The following ZNF736 variants were observed in gnomAD, a reference collection of about 807,000 sequenced individuals.
ZNF736 encodes the protein zinc finger protein 736.
A neutral mutation model predicts 11.7 loss-of-function variants in ZNF736; 6 were observed. The observed-to-expected ratio is 0.51, with a 90% confidence interval of 0.28 to 1.01. The LOEUF is 1.01. ZNF736 is among the 50% of genes least tolerant of loss of function. The pLI is 0.09. For missense variants in ZNF736, 444 were observed against 496.0 expected, an observed-to-expected ratio of 0.90 and a Z score of 1.00; for synonymous variants, 139 against 164.7, an observed-to-expected ratio of 0.84 and a Z score of 1.19.
intron 3 of ZNF736, 147 bp from the exon 4 acceptor site, chr7:64,347,943 G>C: frequency 1.3e-6 from 1 of 779,916 alleles, no homozygotes; most frequent in Non-Finnish European, 1.9e-6. Context: ...ATTTTGGTCA[G>C]TATATTTCTG....
chr7:64,347,142 G>A (rs763756926), intron 3 of ZNF736, among the ~76,000 whole-genome samples: 4 of 149,136 alleles, frequency 2.7e-5, no homozygotes, highest in Non-Finnish European at 5.9e-5. Context: ...AGGCTAGGGA[G>A]TCTTGGAGTC....
At chr7:64,330,020 C>G (rs2115905935) in intron 1 of ZNF736, among the ~76,000 whole-genome samples, 1 of 152,258 alleles carries the variant, frequency 6.6e-6, no homozygotes, top group African/African-American at 2.4e-5. Flanking sequence ...AAACCACTCC[C>G]CATGGCCACC....
chr7:64,338,065 A>C (rs1167338549), intron 3 of ZNF736, among the ~76,000 whole-genome samples: 2 of 152,116 alleles, frequency 1.3e-5, no homozygotes, highest in African/African-American at 4.8e-5. Flanking sequence ...TGCTGAGTAC[A>C]TATTAAACTC....
Position 64,348,715 on chromosome 7 carries a change from C to G in ZNF736, c.852C>G (p.Pro284=). 1 of 1,607,572 alleles carries G rather than the reference C, an allele frequency of 6.2e-7. No individual in the cohort carries two copies. The highest frequency in any genetic ancestry group is 8.5e-7 in the Non-Finnish European group (1 of 1,177,024). Residue 284 remains proline (P), a synonymous_variant, in exon 4 of 4, where the codon CCC becomes CCG. Transcript: ENST00000423484. ...NHKRIHTGEK[P]YKCEECNKAY... ...AGAGAATTCATACTGGAGAGAAACC[C>G]TACAAATGTGAAGAATGTAACAAAG...
intron 3 of ZNF736, chr7:64,337,202 G>T (rs1789264611): frequency 7.7e-6 from 4 of 520,560 alleles, no homozygotes; most frequent in Admixed American, 7.3e-5. Context: ...GTGTGTGTGT[G>T]TTGTGTGTGT....
intron 1 of ZNF736, among the ~76,000 whole-genome samples, chr7:64,325,400 T>C (rs777257251): frequency 1.3e-5 from 2 of 152,232 alleles, no homozygotes; most frequent in Admixed American, 6.5e-5. Flanking sequence ...ATTTTGAGGC[T>C]TTATTGATTA....
intron 1 of ZNF736, among the ~76,000 whole-genome samples, chr7:64,320,157 G>T (rs1487337203): frequency 6.6e-6 from 1 of 152,098 alleles, no homozygotes; most frequent in African/African-American, 2.4e-5. Flanking sequence ...TAAAACTTCA[G>T]AGAAATAACA....
chr7:64,346,073 T>C (rs1789406230), intron 3 of ZNF736, among the ~76,000 whole-genome samples: 1 of 152,182 alleles, frequency 6.6e-6, no homozygotes, highest in African/African-American at 2.4e-5. Flanking sequence ...TTTCCTTCCA[T>C]TATTATATTG....
At position 64,337,015 on chromosome 7, in the gene ZNF736, A is replaced by G. The variant is rs1789261546; in HGVS notation, c.226+33A>G. On this transcript the variant is annotated intron_variant, in intron 3 of 3. Coordinates refer to ENST00000423484, the MANE Select transcript of ZNF736 (RefSeq NM_001170905.3). ...GGAGTGAATGAAGCAGATGACACAA[A>G]TGACGGATCCCAATGTCAAGGAGGA... 3.2e-6 allele frequency: 5 copies of G among 1,551,498 alleles called. No homozygotes were observed. The highest frequency in any genetic ancestry group is 2.6e-6 in the Non-Finnish European group (3 of 1,135,308).
chr7:64,347,386 C>T (rs1789426554), intron 3 of ZNF736, among the ~76,000 whole-genome samples: 1 of 151,718 alleles, frequency 6.6e-6, no homozygotes, highest in Admixed American at 6.6e-5. Context: ...CCACCACGCC[C>T]TGCTAATTTT....
chr7:64,323,817 A>G (rs1301518333), intron 1 of ZNF736, among the ~76,000 whole-genome samples: 1 of 152,158 alleles, frequency 6.6e-6, no homozygotes, highest in South Asian at 2.1e-4. Flanking sequence ...CTGTGCAGCA[A>G]AGTACCATGA....
chr7:64,317,603 C>G (rs1788935460), intron 1 of ZNF736, among the ~76,000 whole-genome samples: 1 of 152,010 alleles, frequency 6.6e-6, no homozygotes, highest in Non-Finnish European at 1.5e-5. Flanking sequence ...TTCCTTCCAA[C>G]AAATTTGGAG....
chr7:64,326,327 C>A (rs1003922359), intron 1 of ZNF736, among the ~76,000 whole-genome samples: 10 of 152,234 alleles, frequency 6.6e-5, no homozygotes, highest in African/African-American at 1.2e-4. Flanking sequence ...AATACACAGT[C>A]CCTTCCAGAG....
chr7:64,329,569 G>A (rs1789130469), intron 1 of ZNF736, among the ~76,000 whole-genome samples: 1 of 152,154 alleles, frequency 6.6e-6, no homozygotes, highest in South Asian at 2.1e-4. Context: ...GGGTTACCAG[G>A]CAGACTCTTT....
chr7:64,321,878 A>G (rs1789008067), intron 1 of ZNF736, among the ~76,000 whole-genome samples: 3 of 152,234 alleles, frequency 2.0e-5, no homozygotes, highest in Non-Finnish European at 1.5e-5. Context: ...AGCTGCCTGG[A>G]AGACTCAGAT....
chr7:64,319,902 C>T (rs1407090990), intron 1 of ZNF736, among the ~76,000 whole-genome samples: 3 of 151,996 alleles, frequency 2.0e-5, no homozygotes, highest in African/African-American at 7.2e-5. Flanking sequence ...TACTGGAGGC[C>T]TAGGGTAATC....
rs1562666262 is a variant in ZNF736, at chr7:64,318,041, T to C, written c.3+3888T>C. On this transcript the variant is annotated intron_variant, in intron 1 of 3. Transcript: ENST00000423484. ...GCAGAATTTTAATTTTTAATAATCTTAATTTATAGTGAAAGCCTGAGAAGT... is the reference window on the plus strand; with the variant it reads ...GCAGAATTTTAATTTTTAATAATCTCAATTTATAGTGAAAGCCTGAGAAGT... Among the ~76,000 whole-genome samples the C allele has an allele frequency of 5.3e-5, 8 of 152,082 alleles. 1 individual carries two copies. In the South Asian group the frequency reaches 1.7e-3, roughly 32 times the overall value.
At chr7:64,329,948 C>G (rs11772604) in intron 1 of ZNF736, among the ~76,000 whole-genome samples, 1 of 151,858 alleles carries the variant, frequency 6.6e-6, no homozygotes, top group African/African-American at 2.4e-5. Flanking sequence ...TGTGGCTTAG[C>G]TGGCACCGAG....
intron 3 of ZNF736, among the ~76,000 whole-genome samples, chr7:64,347,217 CTTTTTTTTTTTTTT>C (rs35033527): frequency 1.8e-5 from 1 of 55,874 alleles, no homozygotes; most frequent in Non-Finnish European, 3.1e-5. Flanking sequence ...AAATGTTCGC[CTTTTTTTTTTTTTT>C]TTTTTTTTTT....
Sources: allele counts gnomAD v4.1 joint callset (sites outside exome capture counted in the v4.1 genomes callset), GRCh38; gene constraint gnomAD v4.1.1; transcripts MANE v1.5; gene names NCBI Gene and HGNC (gene_info 2026-07-23, HGNC 2026-07-21).